The following BAZ2B variants were observed in gnomAD, a reference collection of about 807,000 sequenced individuals.
BAZ2B encodes bromodomain adjacent to zinc finger domain 2B.
BAZ2B carries 91 observed loss-of-function variants against 246.0 expected under a neutral mutation model. The ratio of observed to expected loss-of-function variants is 0.37; its 90% CI spans 0.31 to 0.44. The LOEUF (loss-of-function observed/expected upper bound fraction) is 0.44, where lower values mean the gene tolerates loss of function less well. BAZ2B is among the 20% of genes least tolerant of loss of function. The probability of loss-of-function intolerance (pLI) is 1.00; values close to 1 mark genes in which losing one functional copy is unlikely to be tolerated. For synonymous variants in BAZ2B, 855 were observed against 860.0 expected (o/e 0.99, Z 0.10); for missense variants, 2,332 against 2,533.7 (o/e 0.92, Z 1.71).
chr2:159,700,975 T>A, the BAZ2B span, among the ~76,000 whole-genome samples: 1 of 152,226 alleles, frequency 6.6e-6, no homozygotes, highest in Non-Finnish European at 1.5e-5. Context: ...TTCCTAGTTG[T>A]TACACAGATT....
Position 159,478,726 on chromosome 2 carries a change from G to A in BAZ2B, c.-2-5C>T. On this transcript the variant is annotated splice_region_variant and splice_polypyrimidine_tract_variant and intron_variant, in intron 2 of 36. Coordinates refer to ENST00000392783, the MANE Select transcript of BAZ2B (RefSeq NM_013450.4). ...ACCGTTCTCCAGACTCCATATCTAT[G>A]AGAAGGGAAAATGTTAATTCTCAGT... 6.6e-7 allele frequency: 1 copy of A among 1,511,888 alleles called. No individual in the cohort carries two copies. The highest frequency in any genetic ancestry group is 8.8e-7 in the Non-Finnish European group (1 of 1,131,534). The allele number at this position is 1,511,888 out of a possible 1,614,324, so 93.7% of individuals were successfully genotyped here. A position where few individuals can be genotyped will look rare whatever the true frequency, so the allele number is the denominator to read the frequency against.
chr2:159,340,135 T>G (rs1023616541), intron 31 of BAZ2B, among the ~76,000 whole-genome samples: 1 of 150,516 alleles, frequency 6.6e-6, no homozygotes, highest in African/African-American at 2.4e-5. Context: ...AATACAAGAC[T>G]AGATCAAAAA....
At chr2:159,699,381 A>T in the BAZ2B span, among the ~76,000 whole-genome samples, 48 of 152,066 alleles carry the variant, frequency 3.2e-4, no homozygotes, top group African/African-American at 1.1e-3. Flanking sequence ...CACCTTTTTT[A>T]AAAAAATGAG....
chr2:159,441,214 G>T (rs558690983), intron 6 of BAZ2B, among the ~76,000 whole-genome samples: 1 of 152,306 alleles, frequency 6.6e-6, no homozygotes, highest in East Asian at 1.9e-4. Flanking sequence ...TGATTTAGCA[G>T]AGAAAAATTA....
Position 159,551,938 on chromosome 2 carries a change from C to T in BAZ2B, c.-3+3885G>A, listed in dbSNP as rs955952914. On this transcript the variant is annotated intron_variant, in intron 2 of 36. Coordinates refer to ENST00000392783, the MANE Select transcript of BAZ2B (RefSeq NM_013450.4). ...TCCAGACATAATAATATTATCCCTACTCTAGAAAAGAAAAAATTGGGTCTT... is the reference window on the plus strand; with the variant it reads ...TCCAGACATAATAATATTATCCCTATTCTAGAAAAGAAAAAATTGGGTCTT... 3.3e-5 allele frequency among the ~76,000 whole-genome samples: 5 copies of T among 152,254 alleles called. No individual in the cohort carries two copies. The East Asian group carries it at 7.7e-4, about 23-fold the overall frequency.
intron 8 of BAZ2B, 154 bp from the exon 9 acceptor site, chr2:159,433,517 T>C (rs1279407170): frequency 3.2e-6 from 2 of 628,328 alleles, no homozygotes; most frequent in Non-Finnish European, 5.0e-6. Context: ...GCAACAGCTA[T>C]GACTAGTTGG....
chr2:159,517,091 T>C (rs544683831), intron 2 of BAZ2B, among the ~76,000 whole-genome samples: 21 of 152,250 alleles, frequency 1.4e-4, no homozygotes, highest in Non-Finnish European at 2.1e-4. Flanking sequence ...ATTTTTTTAT[T>C]TGGACAACTT....
At chr2:159,373,846 A>G (rs1448346881) in intron 26 of BAZ2B, among the ~76,000 whole-genome samples, 1 of 152,154 alleles carries the variant, frequency 6.6e-6, no homozygotes, top group African/African-American at 2.4e-5. Flanking sequence ...AAAACAAAAA[A>G]CAAATAATAT....
intron 6 of BAZ2B, among the ~76,000 whole-genome samples, chr2:159,440,147 C>A (rs937955271): frequency 6.6e-6 from 1 of 152,010 alleles, no homozygotes; most frequent in Non-Finnish European, 1.5e-5. Context: ...AATTATTTAA[C>A]AATGGGAAAG....
intron 2 of BAZ2B, among the ~76,000 whole-genome samples, chr2:159,536,930 A>G (rs1428609102): frequency 6.6e-6 from 1 of 152,208 alleles, no homozygotes; most frequent in African/African-American, 2.4e-5. Context: ...AATTTAATCT[A>G]TGTTTAATAA....
At chr2:159,393,360 G>A (rs923385359) in intron 20 of BAZ2B, among the ~76,000 whole-genome samples, 1 of 152,094 alleles carries the variant, frequency 6.6e-6, no homozygotes, top group Non-Finnish European at 1.5e-5. Context: ...AACCAGGCTC[G>A]CTCTTTCAGC....
At chr2:159,411,395 G>A (rs1379752572) in intron 14 of BAZ2B, among the ~76,000 whole-genome samples, 1 of 151,890 alleles carries the variant, frequency 6.6e-6, no homozygotes, top group East Asian at 1.9e-4. Context: ...ATATTATGAT[G>A]GTGTTTACAA....
rs751925663 is a variant in BAZ2B, at chr2:159,432,790, C to A, written c.1867G>T (p.Asp623Tyr). 2 of 1,613,138 alleles carry A rather than the reference C, an allele frequency of 1.2e-6. No homozygotes were observed. ...CTGTCATCAGATTCATCATCTTCAT[C>A]ATCTTCCTCATCTTCTTCTTCATCA... Reference protein sequence around the residue: ...EDDEEEDEEDDEDDESDDSQS... With the variant: ...EDDEEEDEEDYEDDESDDSQS... The change falls in exon 9 of 37, where the codon GAT (aspartate) becomes TAT (tyrosine). Residue 623 changes from aspartate to tyrosine, a missense_variant. Physicochemically the swap from Asp to Tyr is radical, Grantham distance 160. Coordinates refer to ENST00000392783, the MANE Select transcript of BAZ2B (RefSeq NM_013450.4).
At chr2:159,594,145 T>C (rs1690048729) in intron 1 of BAZ2B, among the ~76,000 whole-genome samples, 1 of 152,246 alleles carries the variant, frequency 6.6e-6, no homozygotes, top group Admixed American at 6.5e-5. Flanking sequence ...GGCTCACTCC[T>C]GTAATCCCAG....
At chr2:159,664,026 C>G in the BAZ2B span, among the ~76,000 whole-genome samples, 2 of 67,620 alleles carry the variant, frequency 3.0e-5, no homozygotes, top group African/African-American at 5.6e-5. Flanking sequence ...TCCCTCCCCC[C>G]TCCCCCGACC....
At chr2:159,618,662 G>T (rs13395645), upstream of BAZ2B, among the ~76,000 whole-genome samples, 2 of 149,896 alleles carry the variant, frequency 1.3e-5, no homozygotes, top group South Asian at 4.1e-4. Flanking sequence ...ATTTCTATGC[G>T]TAAAGTATTG....
chr2:159,667,146 TCTC>T, the BAZ2B span, among the ~76,000 whole-genome samples: 28 of 98,364 alleles, frequency 2.8e-4, no homozygotes, highest in African/African-American at 8.3e-4. Context: ...CAAAGATTTT[TCTC>T]CTGTTTTTTT....
the BAZ2B span, among the ~76,000 whole-genome samples, chr2:159,711,638 T>G: frequency 6.6e-6 from 1 of 152,352 alleles, no homozygotes; most frequent in African/African-American, 2.4e-5. Context: ...TTTTGATTCA[T>G]TATTCCAAAT....
intron 4 of BAZ2B, among the ~76,000 whole-genome samples, chr2:159,450,186 A>T (rs1017551570): frequency 8.5e-5 from 13 of 152,282 alleles, no homozygotes; most frequent in Non-Finnish European, 1.2e-4. Context: ...CAGAAAAAAA[A>T]TTTTAAAAAG....
Sources: gnomAD v4.1 joint callset for allele counts (sites outside exome capture counted in the v4.1 genomes callset) on GRCh38, gnomAD v4.1.1 for gene constraint, MANE v1.5 for transcripts, NCBI Gene and HGNC (gene_info 2026-07-23, HGNC 2026-07-21) for gene names.